The following RANBP2 variants were observed in gnomAD, a reference collection of about 807,000 sequenced individuals.
The protein encoded by RANBP2 is E3 SUMO-protein ligase RanBP2.
A neutral mutation model predicts 303.6 loss-of-function variants in RANBP2; 57 were observed. The ratio of observed to expected loss-of-function variants is 0.19; its 90% confidence interval spans 0.15 to 0.23. The LOEUF (loss-of-function observed/expected upper bound fraction) is 0.23, where lower values mean the gene tolerates loss of function less well. RANBP2 is among the 10% of genes least tolerant of loss of function. RANBP2 has a pLI of 1.00. For synonymous variants in RANBP2, 1,167 were observed against 1,301.5 expected, an observed-to-expected ratio of 0.90 and a Z score of 2.23; for missense variants, 3,138 against 3,780.8, an observed-to-expected ratio of 0.83 and a Z score of 4.46.
At position 108,719,504 on chromosome 2, in the gene RANBP2, G is replaced by C. The variant is rs1267202357; in HGVS notation, c.-103G>C. 2.0e-6 allele frequency: 3 copies of C among 1,526,626 alleles called. No individual in the cohort carries two copies. Among genetic ancestry groups the C allele is most frequent in the Non-Finnish European group, 2.6e-6 (3 of 1,133,444 alleles). 94.6% of individuals were successfully genotyped at this position (1,526,626 alleles called of 1,614,324 possible). ...GTCACAGTGGTCCTCCGCCGGCTAC[G>C]GCGCTGCGTCACTGGTTTGCAGGCG... On this transcript the variant is annotated 5_prime_UTR_variant, in exon 1 of 29. Transcript: ENST00000283195.
At chr2:109,172,323 G>A in the RANBP2 span, among the ~76,000 whole-genome samples, 3 of 152,216 alleles carry the variant, frequency 2.0e-5, no homozygotes, top group African/African-American at 4.8e-5. Context: ...TGCAAACAGC[G>A]TGGAAATGCG....
chr2:109,676,673 G>A, the RANBP2 span, among the ~76,000 whole-genome samples: 1 of 152,184 alleles, frequency 6.6e-6, no homozygotes, highest in African/African-American at 2.4e-5. Flanking sequence ...AAATAAGGAG[G>A]CAAGCCAGAT....
chr2:109,602,339 T>C, the RANBP2 span, among the ~76,000 whole-genome samples: 140 of 152,270 alleles, frequency 9.2e-4, no homozygotes, highest in African/African-American at 3.3e-3. Flanking sequence ...TGCATCTTAT[T>C]GATGTGAAAA....
At chr2:109,533,233 A>G in the RANBP2 span, among the ~76,000 whole-genome samples, 1 of 152,362 alleles carries the variant, frequency 6.6e-6, no homozygotes, top group Middle Eastern at 3.4e-3. Flanking sequence ...AGCTACTGCC[A>G]ACACAGCCCG....
At chr2:109,332,294 T>C in the RANBP2 span, among the ~76,000 whole-genome samples, 1 of 152,078 alleles carries the variant, frequency 6.6e-6, no homozygotes, top group East Asian at 1.9e-4. Flanking sequence ...GCCAACTCTC[T>C]CCTGAGAGAG....
the RANBP2 span, among the ~76,000 whole-genome samples, chr2:109,476,192 T>C: frequency 6.6e-6 from 1 of 152,240 alleles, no homozygotes; most frequent in Non-Finnish European, 1.5e-5. Context: ...GATAAGCTGT[T>C]ACCTGAGTCC....
chr2:109,501,606 A>G, the RANBP2 span: 1 of 779,460 alleles, frequency 1.3e-6, no homozygotes, highest in East Asian at 2.4e-5. Flanking sequence ...CGGCTGGTAC[A>G]AGGGGACCCT....
chr2:109,158,891 G>A, the RANBP2 span, among the ~76,000 whole-genome samples: 4 of 152,188 alleles, frequency 2.6e-5, no homozygotes, highest in Non-Finnish European at 4.4e-5. Flanking sequence ...CAAGGCGGGT[G>A]GATCACCTGA....
chr2:109,026,442 A>C, the RANBP2 span, among the ~76,000 whole-genome samples: 5 of 151,894 alleles, frequency 3.3e-5, no homozygotes, highest in Admixed American at 2.6e-4. Flanking sequence ...GCATTATTTT[A>C]ATGGCCACCG....
the RANBP2 span, among the ~76,000 whole-genome samples, chr2:109,004,641 G>T: frequency 6.6e-6 from 1 of 152,190 alleles, no homozygotes; most frequent in Admixed American, 6.5e-5. Flanking sequence ...TCTTTCCTGG[G>T]CCTTTTCTCT....
chr2:109,059,557 C>T, the RANBP2 span, among the ~76,000 whole-genome samples: 1 of 150,628 alleles, frequency 6.6e-6, no homozygotes, highest in African/African-American at 2.4e-5. Flanking sequence ...GCCTGGGCAA[C>T]AGAGCAAGGC....
chr2:109,029,902 T>C, the RANBP2 span, among the ~76,000 whole-genome samples: 2 of 152,212 alleles, frequency 1.3e-5, 1 homozygote, highest in East Asian at 3.9e-4. Flanking sequence ...TAAGGCTGTT[T>C]ATTTTAAAGA....
the RANBP2 span, among the ~76,000 whole-genome samples, chr2:109,106,446 C>T: frequency 1.3e-5 from 2 of 152,180 alleles, no homozygotes; most frequent in Non-Finnish European, 2.9e-5. Context: ...AAGTGTCCTC[C>T]AACGAGTGGC....
At chr2:109,079,397 G>A in the RANBP2 span, among the ~76,000 whole-genome samples, 1 of 152,130 alleles carries the variant, frequency 6.6e-6, no homozygotes. Flanking sequence ...GGTATTAATA[G>A]TTAAGTTTTG....
chr2:109,439,286 C>T, the RANBP2 span, among the ~76,000 whole-genome samples: 2 of 152,104 alleles, frequency 1.3e-5, no homozygotes, highest in Non-Finnish European at 2.9e-5. Flanking sequence ...TAAACGGCTC[C>T]CCAGTGCATC....
At chr2:108,818,204 GC>G in the RANBP2 span, among the ~76,000 whole-genome samples, 8 of 152,124 alleles carry the variant, frequency 5.3e-5, no homozygotes, top group Admixed American at 2.6e-4. Context: ...TCCCTGGGAG[GC>G]TGAGGTGGTA....
At chr2:108,760,343 T>TA (rs1355093406) in intron 18 of RANBP2, among the ~76,000 whole-genome samples, 1 of 152,210 alleles carries the variant, frequency 6.6e-6, no homozygotes, top group Non-Finnish European at 1.5e-5. Flanking sequence ...GCCTGTTTTT[T>TA]AAATGTTACT....
the RANBP2 span, among the ~76,000 whole-genome samples, chr2:108,996,927 G>C: frequency 6.6e-6 from 1 of 152,196 alleles, no homozygotes; most frequent in African/African-American, 2.4e-5. Flanking sequence ...CACATGGGAT[G>C]CTCAGGACCA....
At chr2:109,693,117 A>T in the RANBP2 span, among the ~76,000 whole-genome samples, 2 of 151,970 alleles carry the variant, frequency 1.3e-5, no homozygotes, top group Non-Finnish European at 2.9e-5. Context: ...ATTCTCTCTG[A>T]AGCCTGCTAC....
Sources: allele counts gnomAD v4.1 joint callset (sites outside exome capture counted in the v4.1 genomes callset), GRCh38; gene constraint gnomAD v4.1.1; transcripts MANE v1.5; gene names NCBI Gene and HGNC (gene_info 2026-07-23, HGNC 2026-07-21).